MTMR3: variants seen among roughly 807,000 people sequenced by gnomAD.
The protein encoded by MTMR3 is phosphatidylinositol-3,5-bisphosphate 3-phosphatase MTMR3.
A neutral mutation model predicts 132.4 loss-of-function variants in MTMR3; 32 were observed. That is an observed-to-expected ratio of 0.24 (90% CI 0.18 to 0.32). The LOEUF (loss-of-function observed/expected upper bound fraction) is 0.32. MTMR3 is among the 10% of genes least tolerant of loss of function. The pLI is 1.00. For missense variants in MTMR3, 1,216 were observed against 1,489.6 expected (o/e 0.82, Z 3.02); for synonymous variants, 556 against 550.3 (o/e 1.01, Z -0.14).
intron 1 of MTMR3, among the ~76,000 whole-genome samples, chr22:29,935,118 C>T (rs1169316401): frequency 6.6e-6 from 1 of 152,082 alleles, no homozygotes; most frequent in African/African-American, 2.4e-5. Flanking sequence ...TTGATAAACC[C>T]ATGAGATTGT....
At chr22:29,993,769 G>A (rs888738129) in intron 7 of MTMR3, 1 of 152,156 alleles carries the variant, frequency 6.6e-6, no homozygotes, top group African/African-American at 2.4e-5. Flanking sequence ...CCCTGAGGTG[G>A]GATGACTTTG....
chr22:29,941,263 G>C (rs963838456), intron 1 of MTMR3, among the ~76,000 whole-genome samples: 2 of 152,088 alleles, frequency 1.3e-5, no homozygotes, highest in Admixed American at 6.6e-5. Flanking sequence ...GCTGAGTATG[G>C]CAATCCATTA....
At position 30,025,480 on chromosome 22, in the gene MTMR3, T is replaced by C; in HGVS notation, c.3426-150T>C. On this transcript the variant is annotated intron_variant, in intron 19 of 19. Coordinates refer to ENST00000401950, the MANE Select transcript of MTMR3 (RefSeq NM_021090.4). ...GTAGGGACACCCTCCCTACCCAGCT[T>C]GTTCCTGGGCTAGAGAGATGAAAGG... 4 of 759,530 alleles carry C rather than the reference T, an allele frequency of 5.3e-6. No individual in the cohort carries two copies. The South Asian group carries it at 7.1e-5, about 13-fold the overall frequency. The allele number at this position is 759,530 out of a possible 1,614,324, so 47.0% of individuals were successfully genotyped here.
At chr22:29,903,277 A>G (rs2145729977) in intron 1 of MTMR3, among the ~76,000 whole-genome samples, 1 of 152,264 alleles carries the variant, frequency 6.6e-6, no homozygotes, top group South Asian at 2.1e-4. Flanking sequence ...CATTTTTGCA[A>G]GTTAATTTTT....
chr22:29,887,661 T>C (rs1003429399), intron 1 of MTMR3, among the ~76,000 whole-genome samples: 3 of 152,194 alleles, frequency 2.0e-5, no homozygotes, highest in Non-Finnish European at 2.9e-5. Context: ...GGTCTCTACT[T>C]GGAATAGACT....
At chr22:29,940,180 A>G (rs113140876) in intron 1 of MTMR3, among the ~76,000 whole-genome samples, 4,949 of 152,200 alleles carry the variant, frequency 0.033, 283 homozygotes, top group African/African-American at 0.11. Context: ...AGGAAGGAGA[A>G]TGGCGTGAAC....
In MTMR3 at chr22:29,946,369, A is replaced by G. The variant is rs532095002; in HGVS notation, c.-137-10667A>G. ...AGAGGAGATCTGGTAATCTGTGGTC[A>G]TGTGCTAGCAATAGCAGTCAGGGTT... On this transcript the variant is annotated intron_variant, in intron 1 of 19. Coordinates refer to ENST00000401950, the MANE Select transcript of MTMR3 (RefSeq NM_021090.4). 5.3e-5 allele frequency among the ~76,000 whole-genome samples: 8 copies of G among 152,256 alleles called. No homozygotes were observed. In the East Asian group the frequency reaches 7.7e-4, roughly 15 times the overall value.
chr22:29,975,494 T>G (rs2145879431), intron 3 of MTMR3, among the ~76,000 whole-genome samples: 1 of 152,336 alleles, frequency 6.6e-6, no homozygotes, highest in African/African-American at 2.4e-5. Flanking sequence ...AAATGCAGCC[T>G]CAGGCAGATA....
Position 29,998,751 on chromosome 22 carries a change from T to C in MTMR3, c.461-10T>C. ...TTTCTTCCTTTCTGCTGTTTATCTT[T>C]GGCCTCTAGGGGAGCATGTAACTTC... is the stretch of plus-strand genomic sequence containing the variant. On this transcript the variant is annotated splice_polypyrimidine_tract_variant and intron_variant, in intron 7 of 19. Transcript: ENST00000401950. 2 of 1,605,528 alleles carry C rather than the reference T, an allele frequency of 1.2e-6. No homozygotes were observed. The highest frequency in any genetic ancestry group is 1.7e-6 in the Non-Finnish European group (2 of 1,176,080).
intron 12 of MTMR3, chr22:30,009,740 G>A (rs2067364511): frequency 1.3e-5 from 2 of 152,206 alleles, no homozygotes; most frequent in Admixed American, 1.3e-4. Context: ...TTGAATACAA[G>A]ATAAATTAGG....
intron 7 of MTMR3, chr22:29,993,406 C>T (rs1158663015): frequency 1.3e-5 from 2 of 151,996 alleles, no homozygotes; most frequent in Non-Finnish European, 2.9e-5. Context: ...GAGTTTTTAA[C>T]CATTGCATCT....
At chr22:29,929,273 T>C (rs745310991) in intron 1 of MTMR3, among the ~76,000 whole-genome samples, 3 of 151,942 alleles carry the variant, frequency 2.0e-5, no homozygotes, top group Admixed American at 6.6e-5. Flanking sequence ...AGAGCAAGAC[T>C]CCATCTCAAA....
intron 1 of MTMR3, among the ~76,000 whole-genome samples, chr22:29,940,326 A>ACTTATCCAGGTTG (rs1569014852): frequency 6.6e-6 from 1 of 150,862 alleles, no homozygotes; most frequent in African/African-American, 2.5e-5. Context: ...ACTTTGTGAG[A>ACTTATCCAGGTTG]TCCACCCCCT....
chr22:29,926,679 G>GT (rs1477591363), intron 1 of MTMR3, among the ~76,000 whole-genome samples: 3 of 152,080 alleles, frequency 2.0e-5, no homozygotes, highest in Non-Finnish European at 2.9e-5. Context: ...GGTCATTTGT[G>GT]TATCTTCTTT....
chr22:29,976,999 T>C (rs2066642028), intron 3 of MTMR3, among the ~76,000 whole-genome samples: 1 of 152,110 alleles, frequency 6.6e-6, no homozygotes, highest in African/African-American at 2.4e-5. Context: ...TTTTAAAAAT[T>C]GCTGTGTGGG....
chr22:29,998,678 T>C (rs1456743860), intron 7 of MTMR3, 83 bp from the exon 8 acceptor site: 2 of 756,376 alleles, frequency 2.6e-6, no homozygotes, highest in Non-Finnish European at 4.2e-6. Context: ...ATGTAACATA[T>C]GTATATTTCT....
At chr22:29,914,595 T>C (rs1054127299) in intron 1 of MTMR3, among the ~76,000 whole-genome samples, 5 of 152,334 alleles carry the variant, frequency 3.3e-5, no homozygotes, top group South Asian at 2.1e-4. Flanking sequence ...ACTTAATCTT[T>C]ATGTAGTCAG....
chr22:29,919,996 A>T (rs941731179), intron 1 of MTMR3, among the ~76,000 whole-genome samples: 10 of 152,064 alleles, frequency 6.6e-5, no homozygotes, highest in African/African-American at 2.2e-4. Context: ...CGGGCAGATC[A>T]TGAGGTCAAG....
At chr22:29,959,466 C>T (rs370249071) in intron 2 of MTMR3, among the ~76,000 whole-genome samples, 3 of 152,206 alleles carry the variant, frequency 2.0e-5, no homozygotes, top group South Asian at 4.2e-4. Context: ...GCAGCCTCCA[C>T]CTGCTGGGTT....
Sources: gnomAD v4.1 joint callset for allele counts (sites outside exome capture counted in the v4.1 genomes callset) on GRCh38, gnomAD v4.1.1 for gene constraint, MANE v1.5 for transcripts, NCBI Gene and HGNC (gene_info 2026-07-23, HGNC 2026-07-21) for gene names.